EPN2: variants seen among roughly 807,000 people sequenced by gnomAD.
EPN2 encodes the protein epsin-2.
EPN2 carries 34 observed loss-of-function variants against 61.7 expected under a neutral mutation model. That is an observed-to-expected ratio of 0.55 (90% CI 0.42 to 0.73). The LOEUF (loss-of-function observed/expected upper bound fraction) is 0.73, where lower values mean the gene tolerates loss of function less well. Ranked by LOEUF, EPN2 falls within the 30% of genes least tolerant of loss-of-function variation. The probability of loss-of-function intolerance (pLI) is 0.00; values close to 1 mark genes in which losing one functional copy is unlikely to be tolerated. For missense variants in EPN2, 714 were observed against 839.2 expected (o/e 0.85, Z 1.84); for synonymous variants, 349 against 353.6 (o/e 0.99, Z 0.15).
intron 7 of EPN2, among the ~76,000 whole-genome samples, chr17:19,318,906 G>A (rs570894838): frequency 2.6e-5 from 4 of 151,926 alleles, no homozygotes; most frequent in East Asian, 1.9e-4. Flanking sequence ...GAATTCTTCC[G>A]GAAATGTTGG....
chr17:19,305,062 C>G (rs1402541961), intron 4 of EPN2, among the ~76,000 whole-genome samples: 5 of 152,150 alleles, frequency 3.3e-5, no homozygotes, highest in Non-Finnish European at 7.3e-5. Flanking sequence ...CTGCACAGAG[C>G]CATTTGATGG....
chr17:19,272,612 C>G (rs1266794786), intron 1 of EPN2, among the ~76,000 whole-genome samples: 1 of 152,166 alleles, frequency 6.6e-6, no homozygotes, highest in African/African-American at 2.4e-5. Context: ...AGCATTGGCC[C>G]TGATCCCTGG....
At chr17:19,317,539 A>G (rs1906443494) in intron 7 of EPN2, among the ~76,000 whole-genome samples, 1 of 152,084 alleles carries the variant, frequency 6.6e-6, no homozygotes. Context: ...CCCTGTGCAC[A>G]TGAATATTCA....
intron 1 of EPN2, among the ~76,000 whole-genome samples, chr17:19,276,918 C>G (rs550462054): frequency 5.3e-5 from 8 of 151,930 alleles, no homozygotes; most frequent in Non-Finnish European, 1.0e-4. Context: ...GTGAGCTGAT[C>G]ACACACTTCC....
In EPN2 at chr17:19,335,862, C is replaced by A. The variant is rs1907398765; in HGVS notation, c.*1608C>A. ...GTCGTGCATTAAAGACCAGAAAAGA[C>A]TTGCTTTTACCCAGGGAGGGGACAT... On this transcript the variant is annotated 3_prime_UTR_variant, in exon 11 of 11. Coordinates refer to ENST00000314728, the MANE Select transcript of EPN2 (RefSeq NM_014964.5). The A allele has an allele frequency of 6.3e-6, 1 of 158,230 alleles. No homozygotes were observed. The highest frequency in any genetic ancestry group is 2.4e-5 in the African/African-American group (1 of 41,782). 9.8% of individuals were successfully genotyped at this position (158,230 alleles called of 1,614,324 possible).
chr17:19,256,879 CAAAT>C (rs1312254598), intron 1 of EPN2, among the ~76,000 whole-genome samples: 1 of 152,124 alleles, frequency 6.6e-6, no homozygotes, highest in East Asian at 1.9e-4. Context: ...GAAGACTTGA[CAAAT>C]AAAGAGAACA....
In EPN2 at chr17:19,285,572, T is replaced by C; in HGVS notation, c.596-48T>C. 6.9e-7 allele frequency: 1 copy of C among 1,454,380 alleles called. No individual in the cohort carries two copies. Among genetic ancestry groups the C allele is most frequent in the Non-Finnish European group, 9.1e-7 (1 of 1,097,410 alleles). The allele number at this position is 1,454,380 out of a possible 1,614,324, so 90.1% of individuals were successfully genotyped here. A position where few individuals can be genotyped will look rare whatever the true frequency, so the allele number is the denominator to read the frequency against. ...CTCCTGCAGGGGCTGCTGCGCACCC[T>C]CTAATGGCGTGTCTCTCTGTGTGTG... On this transcript the variant is annotated intron_variant, in intron 3 of 10. Coordinates refer to ENST00000314728, the MANE Select transcript of EPN2 (RefSeq NM_014964.5). This position sits in a 1 kb window ranked among gnomAD's most constrained non-coding sequence, Gnocchi z 4.5.
intron 1 of EPN2, among the ~76,000 whole-genome samples, chr17:19,270,590 T>C (rs2045242773): frequency 1.3e-5 from 2 of 152,206 alleles, no homozygotes; most frequent in Admixed American, 1.3e-4. Flanking sequence ...TATTTGCCAG[T>C]CGTACTCTTA....
At chr17:19,274,787 C>T (rs2045290019) in intron 1 of EPN2, among the ~76,000 whole-genome samples, 1 of 152,150 alleles carries the variant, frequency 6.6e-6, no homozygotes, top group African/African-American at 2.4e-5. Flanking sequence ...AAGAATTTCC[C>T]CACCCAGCAT....
chr17:19,330,652 G>C (rs1160460624), intron 9 of EPN2: 1 of 152,164 alleles, frequency 6.6e-6, no homozygotes, highest in Non-Finnish European at 1.5e-5. Context: ...CTCCTGCTCC[G>C]TGCCTCAGTG....
chr17:19,270,262 T>C (rs1484508554), intron 1 of EPN2, among the ~76,000 whole-genome samples: 6 of 152,258 alleles, frequency 3.9e-5, no homozygotes, highest in Non-Finnish European at 7.3e-5. Flanking sequence ...TTCTTACTGC[T>C]CTTTTAATTC....
At chr17:19,256,306 C>T (rs1431769853) in intron 1 of EPN2, among the ~76,000 whole-genome samples, 3 of 150,130 alleles carry the variant, frequency 2.0e-5, no homozygotes, top group Non-Finnish European at 2.9e-5. Context: ...TCTCCAAAAG[C>T]TGGGCGTGAT....
intron 1 of EPN2, among the ~76,000 whole-genome samples, chr17:19,250,041 G>A (rs879925081): frequency 1.3e-5 from 2 of 151,740 alleles, no homozygotes; most frequent in South Asian, 2.1e-4. Flanking sequence ...GATTACGTTG[G>A]GCACACTGAA....
chr17:19,263,415 C>G (rs148073253), intron 1 of EPN2, among the ~76,000 whole-genome samples: 16 of 152,096 alleles, frequency 1.1e-4, no homozygotes, highest in Non-Finnish European at 1.5e-5. Flanking sequence ...ATAGAAATTA[C>G]GTGGGTTGGC....
chr17:19,240,363 A>G (rs1401296197), intron 1 of EPN2, among the ~76,000 whole-genome samples: 1 of 151,970 alleles, frequency 6.6e-6, no homozygotes, highest in African/African-American at 2.4e-5. Context: ...TCTCCTGCCT[A>G]ACCTCCCGAG....
rs193185217 is a variant in EPN2, at chr17:19,247,713, T to C, written c.-294+10182T>C. On this transcript the variant is annotated intron_variant, in intron 1 of 10. Coordinates refer to ENST00000314728, the MANE Select transcript of EPN2 (RefSeq NM_014964.5). ...GTTTTCTGGGTAGTAGGGAGCAGGG[T>C]AGGTCTTGAGTGGGTGCCACCTCAA... Among the ~76,000 whole-genome samples, 1,004 of 148,408 alleles carry C rather than the reference T, an allele frequency of 6.8e-3. 53 individuals are homozygous for C. The East Asian group carries it at 0.12, about 18-fold the overall frequency.
chr17:19,254,054 C>T (rs1380519302), intron 1 of EPN2, among the ~76,000 whole-genome samples: 2 of 151,698 alleles, frequency 1.3e-5, no homozygotes, highest in African/African-American at 4.8e-5. Flanking sequence ...ATCACTTGAA[C>T]CCAGGAGGCG....
At chr17:19,312,753 G>A (rs1906205484) in intron 6 of EPN2, among the ~76,000 whole-genome samples, 1 of 152,254 alleles carries the variant, frequency 6.6e-6, no homozygotes, top group African/African-American at 2.4e-5. Flanking sequence ...GCCCGAGGAG[G>A]AGGGCCCTCA....
At chr17:19,264,628 C>A (rs1158741412) in intron 1 of EPN2, among the ~76,000 whole-genome samples, 1 of 152,008 alleles carries the variant, frequency 6.6e-6, no homozygotes, top group Non-Finnish European at 1.5e-5. Flanking sequence ...TTAAAACTTA[C>A]CAATATTCAT....
Sources: allele counts gnomAD v4.1 joint callset (sites outside exome capture counted in the v4.1 genomes callset), GRCh38; gene constraint gnomAD v4.1.1; non-coding constraint Gnocchi (gnomAD v3.1); transcripts MANE v1.5; gene names NCBI Gene and HGNC (gene_info 2026-07-23, HGNC 2026-07-21).